RAP1GAP: variants seen among roughly 807,000 people sequenced by gnomAD.
The protein encoded by RAP1GAP is rap1 GTPase-activating protein 1.
Under a neutral mutation model 87.2 loss-of-function variants are expected in RAP1GAP, and 35 were observed. That is an observed-to-expected ratio of 0.40 (90% CI 0.31 to 0.53). The LOEUF (loss-of-function observed/expected upper bound fraction) is 0.53. Ranked by LOEUF, RAP1GAP falls within the 20% of genes least tolerant of loss-of-function variation. The pLI is 0.48. For missense variants in RAP1GAP, 734 were observed against 898.9 expected (o/e 0.82, Z 2.35); for synonymous variants, 375 against 363.9 (o/e 1.03, Z -0.35).
rs1380506781 is a variant in RAP1GAP at position 21,610,222 on chromosome 1, A to G, written c.897T>C (p.Asp299=). 1 of 1,612,762 alleles carries G rather than the reference A, an allele frequency of 6.2e-7. No individual in the cohort carries two copies. The highest frequency in any genetic ancestry group is 1.3e-5 in the African/African-American group (1 of 74,912). The change falls in exon 14 of 25, where the codon GAT becomes GAC. Residue 299 remains aspartate, a synonymous_variant. Coordinates refer to ENST00000374765, the MANE Select transcript of RAP1GAP (RefSeq NM_002885.4). Reference sequence around the variant, plus strand: ...TGTCGGGCACGAAAGGAGTGTTCTCATCCTGGAAGACCACAGCCACGATGT... The same window carrying G: ...TGTCGGGCACGAAAGGAGTGTTCTCGTCCTGGAAGACCACAGCCACGATGT... ...GNDIVAVVFQ[D]ENTPFVPDMI...
intron 3 of RAP1GAP, 142 bp downstream of exon 3, chr1:21,626,162 C>G: frequency 1.4e-6 from 1 of 707,844 alleles, no homozygotes; most frequent in Non-Finnish European, 2.4e-6. Flanking sequence ...GAGTGGCAAC[C>G]CCTTAGGAGC....
intron 2 of RAP1GAP, among the ~76,000 whole-genome samples, chr1:21,630,681 A>G (rs1415849548): frequency 6.6e-6 from 1 of 151,810 alleles, no homozygotes; most frequent in East Asian, 1.9e-4. Context: ...GCCTCCTAGT[A>G]GCTGGGACTA....
chr1:21,619,353 T>TGTGC (rs1396256490), intron 4 of RAP1GAP, among the ~76,000 whole-genome samples: 1 of 146,922 alleles, frequency 6.8e-6, no homozygotes, highest in East Asian at 2.0e-4. Flanking sequence ...CACATGCCGG[T>TGTGC]GTGCGAGCTG....
intron 1 of RAP1GAP, among the ~76,000 whole-genome samples, chr1:21,664,776 A>G (rs903383043): frequency 1.3e-5 from 2 of 151,984 alleles, no homozygotes; most frequent in African/African-American, 4.8e-5. Context: ...GTAGAGAAGT[A>G]TTGGATGTTT....
rs2079850559 is a variant in RAP1GAP, at chr1:21,613,568, G to T, written c.474+60C>A. 2 of 1,474,644 alleles carry T rather than the reference G, an allele frequency of 1.4e-6. No individual in the cohort carries two copies. Among genetic ancestry groups the T allele is most frequent in the Non-Finnish European group, 1.9e-6 (2 of 1,053,920 alleles). The allele number at this position is 1,474,644 out of a possible 1,614,324, so 91.3% of individuals were successfully genotyped here. A position where few individuals can be genotyped will look rare whatever the true frequency, so the allele number is the denominator to read the frequency against. On this transcript the variant is annotated intron_variant, in intron 9 of 24. Coordinates refer to ENST00000374765, the MANE Select transcript of RAP1GAP (RefSeq NM_002885.4). This position sits in a 1 kb window ranked among gnomAD's most constrained non-coding sequence, Gnocchi z 4.7. ...AGGGGACGCGCCAAGGCAAGCTGAA[G>T]CCCCACAGGTGCCCATCTGCGGAGC...
rs1264159293 is a variant in RAP1GAP at position 21,608,064 on chromosome 1, T to A, written c.1296+149A>T. 5 of 1,194,730 alleles carry A rather than the reference T, an allele frequency of 4.2e-6. No individual in the cohort carries two copies. The East Asian group carries it at 1.0e-4, about 25-fold the overall frequency. 74.0% of individuals were successfully genotyped at this position (1,194,730 alleles called of 1,614,324 possible). On this transcript the variant is annotated intron_variant, in intron 17 of 24. Coordinates refer to ENST00000374765, the MANE Select transcript of RAP1GAP (RefSeq NM_002885.4). ...AGCTGCACTCCCCATGCTGTGTCAA[T>A]CCCCCAGTCCGGGACTCCACCCCCT...
At chr1:21,606,243 C>A in intron 17 of RAP1GAP, 46 bp from the exon 18 acceptor site, 1 of 1,546,282 alleles carries the variant, frequency 6.5e-7, no homozygotes, top group South Asian at 1.2e-5. Flanking sequence ...TCCTAAGGGC[C>A]GTCCCCTTGG....
At chr1:21,617,911 G>A (rs767854606) in intron 6 of RAP1GAP, 23 bp downstream of exon 6, 5 of 1,614,002 alleles carry the variant, frequency 3.1e-6, no homozygotes, top group Admixed American at 1.7e-5. Context: ...AGTAAGGGTG[G>A]GCGCGGGGTT....
intron 2 of RAP1GAP, among the ~76,000 whole-genome samples, chr1:21,633,535 G>T (rs1016698752): frequency 5.9e-5 from 9 of 152,312 alleles, no homozygotes; most frequent in Non-Finnish European, 1.0e-4. Flanking sequence ...GGGAGCAGGG[G>T]AATGGGGATC....
chr1:21,598,207 AC>A (rs1354880778), intron 22 of RAP1GAP, 143 bp from the exon 23 acceptor site: 2 of 761,136 alleles, frequency 2.6e-6, no homozygotes, highest in Admixed American at 2.8e-5. Context: ...ATCCTCCGAG[AC>A]CCTTCCGGAA....
chr1:21,597,949 G>T lies in RAP1GAP; in HGVS notation c.1983+12C>A. 2 of 1,559,780 alleles carry T rather than the reference G, an allele frequency of 1.3e-6. No homozygotes were observed. Among genetic ancestry groups the T allele is most frequent in the Non-Finnish European group, 1.7e-6 (2 of 1,151,536 alleles). ...GGCTCCCTCAGCACCAGCCCCAGGA[G>T]GCTGCACGTACCAGCTGGGGCATGT... On this transcript the variant is annotated intron_variant, in intron 23 of 24. Transcript: ENST00000374765.
intron 1 of RAP1GAP, chr1:21,651,668 A>G: frequency 8.8e-7 from 1 of 1,130,974 alleles, no homozygotes; most frequent in Admixed American, 1.9e-5. Flanking sequence ...CACAGCAGTC[A>G]TAGCCCAGGC....
chr1:21,658,694 A>T (rs2096963866), intron 1 of RAP1GAP, among the ~76,000 whole-genome samples: 1 of 152,132 alleles, frequency 6.6e-6, no homozygotes, highest in African/African-American at 2.4e-5. Context: ...CCGGCCTGGT[A>T]ACAAAGCAAG....
At chr1:21,616,188 CACAT>C (rs2082046133) in intron 7 of RAP1GAP, among the ~76,000 whole-genome samples, 1 of 105,742 alleles carries the variant, frequency 9.5e-6, no homozygotes, top group African/African-American at 3.7e-5. Flanking sequence ...CACACACACA[CACAT>C]ACAATGACTA....
chr1:21,604,661 G>GAC (rs2072449693), intron 18 of RAP1GAP, among the ~76,000 whole-genome samples: 1 of 152,028 alleles, frequency 6.6e-6, no homozygotes. Flanking sequence ...CTCCTCGCAT[G>GAC]ACAGTGTGCT....
At position 21,599,557 on chromosome 1, in the gene RAP1GAP, A is replaced by T. The variant is rs370605388; in HGVS notation, c.1713T>A (p.Ser571Arg). 3 of 1,609,650 alleles carry T rather than the reference A, an allele frequency of 1.9e-6. No individual in the cohort carries two copies. The highest frequency in any genetic ancestry group is 2.5e-6 in the Non-Finnish European group (3 of 1,179,950). The change falls in exon 21 of 25, where the codon AGT becomes AGA. Residue 571 changes from serine to arginine, a missense_variant. Ser to Arg is a moderately radical substitution (Grantham distance 110). This residue lies in a region of RAP1GAP where 249 missense variants were observed against 252.7 expected (regional missense o/e 0.99). Transcript: ENST00000374765. The stretch of plus-strand genomic sequence containing the variant: ...CCACCACGCTGGCGAAGCTGCTGGC[A>T]CTGGACGAGGAGCGGGAGAAGTCCT... ...ALKDFSRSSS[S>R]ASSFASVVEE...
intron 1 of RAP1GAP, among the ~76,000 whole-genome samples, chr1:21,666,696 G>A (rs1406672274): frequency 6.6e-6 from 1 of 152,160 alleles, no homozygotes; most frequent in Non-Finnish European, 1.5e-5. Flanking sequence ...CACGCAGGAA[G>A]CTGATGTAAT....
chr1:21,612,076 C>T lies in RAP1GAP; in HGVS notation c.562G>A (p.Val188Ile), dbSNP rs754147300. 14 of 1,553,748 alleles carry T rather than the reference C, an allele frequency of 9.0e-6. No individual in the cohort carries two copies. In the South Asian group the frequency reaches 1.7e-4, roughly 18 times the overall value. The change falls in exon 11 of 25, where the codon GTC becomes ATC. Residue 188 changes from valine (V) to isoleucine (I), a missense_variant. Val to Ile is a conservative substitution (Grantham distance 29). Coordinates refer to ENST00000374765, the MANE Select transcript of RAP1GAP (RefSeq NM_002885.4). ...CCAAACTTGAAGTTATTGCTGATGA[C>T]ATGCTCGTCAAAGGTGACGATGAGC... The part of the protein sequence containing the change: ...SRLIVTFDEH[V>I]ISNNFKFGVI...
intron 18 of RAP1GAP, among the ~76,000 whole-genome samples, chr1:21,604,604 G>A (rs141153644): frequency 1.2e-4 from 19 of 152,264 alleles, no homozygotes; most frequent in African/African-American, 4.6e-4. Context: ...CTCTGGTGGA[G>A]AGGAAGGGAG....
Sources: gnomAD v4.1 joint callset for allele counts (sites outside exome capture counted in the v4.1 genomes callset) on GRCh38, gnomAD v4.1.1 for gene constraint, gnomAD v4.1.1 regional missense constraint, Gnocchi (gnomAD v3.1) non-coding constraint, MANE v1.5 for transcripts, NCBI Gene and HGNC (gene_info 2026-07-23, HGNC 2026-07-21) for gene names.